MSRA: variants seen among roughly 807,000 people sequenced by gnomAD.
MSRA encodes the protein mitochondrial peptide methionine sulfoxide reductase.
MSRA carries 54 observed loss-of-function variants against 31.3 expected under a neutral mutation model. The observed-to-expected ratio is 1.73, with a 90% CI of 1.39 to 2.17. The LOEUF (loss-of-function observed/expected upper bound fraction) is 2.17. MSRA is among the 30% of genes most tolerant of loss of function. MSRA has a pLI of 0.00. For missense variants in MSRA, 507 were observed against 300.9 expected (o/e 1.69, Z -5.07); for synonymous variants, 169 against 116.5 (o/e 1.45, Z -2.90).
chr8:10,289,107 C>T (rs916084090), intron 3 of MSRA, among the ~76,000 whole-genome samples: 3 of 151,958 alleles, frequency 2.0e-5, no homozygotes, highest in African/African-American at 4.8e-5. Context: ...CCTCTGCCTC[C>T]CAGGTTCAAG....
intron 1 of MSRA, among the ~76,000 whole-genome samples, chr8:10,094,083 A>G (rs1242606392): frequency 6.6e-6 from 1 of 152,232 alleles, no homozygotes; most frequent in Non-Finnish European, 1.5e-5. Context: ...TTGAATTACA[A>G]ATTCACTGTT....
intron 1 of MSRA, among the ~76,000 whole-genome samples, chr8:10,172,809 C>G (rs1455149229): frequency 6.6e-6 from 1 of 152,192 alleles, no homozygotes; most frequent in East Asian, 1.9e-4. Context: ...GATCTTGATT[C>G]ATTTGTTGGG....
chr8:10,417,577 C>T (rs1236547933), intron 5 of MSRA, among the ~76,000 whole-genome samples: 1 of 152,118 alleles, frequency 6.6e-6, no homozygotes, highest in Admixed American at 6.5e-5. Flanking sequence ...GATGCAGGAG[C>T]CTCTGCCCAG....
rs546893350 is a variant in MSRA at position 10,239,734 on chromosome 8, G to A, written c.212-5370G>A. Reference sequence around the variant, plus strand: ...CCTCTAACTCTACAGAGCCAAGAGTGTGGGAACAAAAGCTACAAAGTCTCC... The same window carrying A: ...CCTCTAACTCTACAGAGCCAAGAGTATGGGAACAAAAGCTACAAAGTCTCC... On this transcript the variant is annotated intron_variant, in intron 2 of 5. Transcript: ENST00000317173. Among the ~76,000 whole-genome samples the A allele has an allele frequency of 3.2e-4, 49 of 152,358 alleles. No individual in the cohort carries two copies. The South Asian group carries it at 9.7e-3, about 30-fold the overall frequency.
intron 2 of MSRA, among the ~76,000 whole-genome samples, chr8:10,226,180 C>T (rs1323562712): frequency 6.6e-6 from 1 of 152,212 alleles, no homozygotes; most frequent in Non-Finnish European, 1.5e-5. Flanking sequence ...GGAGGGGTCA[C>T]ATGTGATGAA....
intron 3 of MSRA, among the ~76,000 whole-genome samples, chr8:10,259,324 G>T: frequency 6.6e-6 from 1 of 152,090 alleles, no homozygotes; most frequent in African/African-American, 2.4e-5. Flanking sequence ...ATGCAATTTT[G>T]TCATTTCTGG....
chr8:10,054,768 G>C, intron 1 of MSRA, 110 bp downstream of exon 1: 25 of 1,232,588 alleles, frequency 2.0e-5, no homozygotes, highest in Non-Finnish European at 2.5e-5. Flanking sequence ...GGCCTCGGGC[G>C]GGTCGCGGGG....
intron 2 of MSRA, among the ~76,000 whole-genome samples, chr8:10,238,137 C>T (rs972318906): frequency 6.6e-6 from 1 of 152,190 alleles, no homozygotes; most frequent in Admixed American, 6.5e-5. Flanking sequence ...CACTGGCTTC[C>T]TTCCTGCCCC....
chr8:10,376,679 G>C (rs927453089), intron 5 of MSRA, among the ~76,000 whole-genome samples: 2 of 152,116 alleles, frequency 1.3e-5, no homozygotes, highest in Non-Finnish European at 2.9e-5. Context: ...AACTTTTTTG[G>C]AGTTTTTGAA....
At chr8:10,201,384 A>G (rs1346635763) in intron 1 of MSRA, among the ~76,000 whole-genome samples, 1 of 152,034 alleles carries the variant, frequency 6.6e-6, no homozygotes, top group Non-Finnish European at 1.5e-5. Flanking sequence ...TCCTGAGATG[A>G]TTTTGTGTCT....
At chr8:10,198,958 C>G (rs1034327372) in intron 1 of MSRA, among the ~76,000 whole-genome samples, 1 of 152,168 alleles carries the variant, frequency 6.6e-6, no homozygotes. Context: ...GGTCAGTGCT[C>G]GGCATTGTTT....
At chr8:10,076,199 C>A (rs749463757) in intron 1 of MSRA, among the ~76,000 whole-genome samples, 1 of 152,210 alleles carries the variant, frequency 6.6e-6, no homozygotes, top group Non-Finnish European at 1.5e-5. Flanking sequence ...TAGAATGGTA[C>A]CTGGCTCCTG....
At chr8:10,346,647 G>C (rs1473724740) in intron 5 of MSRA, among the ~76,000 whole-genome samples, 1 of 152,216 alleles carries the variant, frequency 6.6e-6, no homozygotes, top group Non-Finnish European at 1.5e-5. Context: ...CCTGATTGGA[G>C]GCTGTTGGCC....
At chr8:10,067,423 A>G (rs569011956) in intron 1 of MSRA, among the ~76,000 whole-genome samples, 2 of 152,360 alleles carry the variant, frequency 1.3e-5, no homozygotes, top group South Asian at 4.1e-4. Flanking sequence ...CACCTACTGA[A>G]TAAATATGTG....
At chr8:10,096,679 G>GT (rs1259246108) in intron 1 of MSRA, among the ~76,000 whole-genome samples, 1 of 152,088 alleles carries the variant, frequency 6.6e-6, no homozygotes, top group African/African-American at 2.4e-5. Flanking sequence ...ACTACCTGGT[G>GT]TTTTACTTAG....
At chr8:10,374,670 T>C (rs1805660184) in intron 5 of MSRA, among the ~76,000 whole-genome samples, 1 of 152,222 alleles carries the variant, frequency 6.6e-6, no homozygotes, top group African/African-American at 2.4e-5. Context: ...TTAGCGTGCA[T>C]TTCCCCCTCA....
chr8:10,255,953 G>A (rs1036863766), intron 3 of MSRA, among the ~76,000 whole-genome samples: 16 of 152,024 alleles, frequency 1.1e-4, no homozygotes, highest in African/African-American at 3.9e-4. Context: ...ATCCCCACCT[G>A]AGTGGTGCAT....
At chr8:10,350,825 C>G (rs1243719457) in intron 5 of MSRA, among the ~76,000 whole-genome samples, 1 of 152,244 alleles carries the variant, frequency 6.6e-6, no homozygotes, top group Non-Finnish European at 1.5e-5. Context: ...CTTCCCTCTT[C>G]CAGTTCCCAG....
intron 1 of MSRA, among the ~76,000 whole-genome samples, chr8:10,133,135 A>G (rs1012390317): frequency 6.6e-6 from 1 of 152,058 alleles, no homozygotes; most frequent in Non-Finnish European, 1.5e-5. Flanking sequence ...TCAATTGTTG[A>G]TGAGGTATAT....
Sources: gnomAD v4.1 joint callset for allele counts (sites outside exome capture counted in the v4.1 genomes callset) on GRCh38, gnomAD v4.1.1 for gene constraint, MANE v1.5 for transcripts, NCBI Gene and HGNC (gene_info 2026-07-23, HGNC 2026-07-21) for gene names.